Variants in DMD observed in about 807,000 individuals in gnomAD.
DMD encodes mutant dystrophin.
A neutral mutation model predicts 330.1 loss-of-function variants in DMD; 63 were observed. That is an observed-to-expected ratio of 0.19 (90% confidence interval 0.16 to 0.24). DMD has a LOEUF of 0.24. Among genes scored for constraint, DMD ranks in the 10% least tolerant of loss-of-function variants. DMD has a pLI of 1.00. For missense variants in DMD, 3,344 were observed against 2,684.1 expected, an observed-to-expected ratio of 1.25 and a Z score of -5.43; for synonymous variants, 1,223 against 959.8, an observed-to-expected ratio of 1.27 and a Z score of -5.07.
At chrX:32,870,958 C>T (rs1222049907) in intron 2 of DMD, among the ~76,000 whole-genome samples, 1 of 14,768 alleles carries the variant, frequency 6.8e-5, no homozygotes, top group Non-Finnish European at 1.2e-4. Context: ...TTCTGTACAG[C>T]AAAAAAAAAA....
rs2063889616 is a variant in DMD at position 32,699,115 on chromosome X, T to C, written c.828A>G (p.Gln276=). 1 of 1,207,981 alleles carries C rather than the reference T, an allele frequency of 8.3e-7. No homozygotes were observed. The highest frequency in any genetic ancestry group is 1.1e-6 in the Non-Finnish European group (1 of 892,200). ...AGCTGTCCTTTACACACTTTACCTG[T>C]TGAGAATAGTGCATTTGATGATGTA... ...FQLHHQMHYS[Q]QITVSLAQGY... is the part of the protein sequence containing the mutation. The change falls in exon 8 of 79, where the codon CAA becomes CAG. Residue 276 remains glutamine (Q), a synonymous_variant. Transcript: ENST00000357033.
chrX:31,348,476 A>G (rs2058220732), intron 61 of DMD, 80 bp downstream of exon 61: 1 of 856,414 alleles, frequency 1.2e-6, no homozygotes, highest in South Asian at 2.1e-5. Flanking sequence ...TTCAACTCTT[A>G]ATTCTTTTGT....
At chrX:31,751,751 T>C (rs1043731135) in intron 51 of DMD, among the ~76,000 whole-genome samples, 7 of 112,276 alleles carry the variant, frequency 6.2e-5, no homozygotes, top group African/African-American at 2.3e-4. Context: ...AAGTTAGTCA[T>C]TACTAAATGT....
intron 44 of DMD, among the ~76,000 whole-genome samples, chrX:32,114,031 C>T (rs1324085659): frequency 8.9e-6 from 1 of 111,849 alleles, no homozygotes; most frequent in East Asian, 2.8e-4. Context: ...CATTTTGTTG[C>T]TAAATTATAA....
At chrX:31,317,405 T>C (rs1328722078) in intron 62 of DMD, among the ~76,000 whole-genome samples, 1 of 111,857 alleles carries the variant, frequency 8.9e-6, no homozygotes, top group Non-Finnish European at 1.9e-5. Flanking sequence ...TGTGTTCACA[T>C]TGTATGAAAG....
At chrX:31,845,870 G>C (rs1206780887) in intron 48 of DMD, among the ~76,000 whole-genome samples, 1 of 111,553 alleles carries the variant, frequency 9.0e-6, no homozygotes, top group Non-Finnish European at 1.9e-5. Flanking sequence ...TGTACAGAAA[G>C]TAATTGCAAA....
chrX:32,125,462 C>T (rs1287115063), intron 44 of DMD, among the ~76,000 whole-genome samples: 1 of 111,504 alleles, frequency 9.0e-6, no homozygotes, highest in Admixed American at 9.6e-5. Flanking sequence ...CAGTTTGGTC[C>T]TTGTTGAGTC....
chrX:32,165,728 C>T (rs1279221029), intron 44 of DMD, among the ~76,000 whole-genome samples: 3 of 111,320 alleles, frequency 2.7e-5, no homozygotes, highest in African/African-American at 9.8e-5. Flanking sequence ...GGCTTTGTGT[C>T]CCCACCCAAA....
At chrX:31,667,779 CATAA>C (rs992739344) in intron 53 of DMD, among the ~76,000 whole-genome samples, 1 of 110,565 alleles carries the variant, frequency 9.0e-6, no homozygotes, top group African/African-American at 3.3e-5. Flanking sequence ...TCCTGTATCC[CATAA>C]ATATATATAC....
chrX:32,705,684 G>A (rs1054173163), intron 7 of DMD, among the ~76,000 whole-genome samples: 2 of 111,538 alleles, frequency 1.8e-5, no homozygotes, highest in Admixed American at 9.5e-5. Context: ...ATCCTCTCCG[G>A]CACCTGTTGT....
chrX:32,840,064 G>A (rs1159804977), intron 4 of DMD, among the ~76,000 whole-genome samples: 2 of 111,976 alleles, frequency 1.8e-5, no homozygotes, highest in Non-Finnish European at 3.8e-5. Context: ...TAAGGTAAAG[G>A]TTCCTTTGTT....
chrX:32,661,201 T>A (rs148777130), intron 9 of DMD, among the ~76,000 whole-genome samples: 1 of 111,438 alleles, frequency 9.0e-6, no homozygotes, highest in South Asian at 3.7e-4. Context: ...GTGGGTGCTA[T>A]CCACTGTGTA....
chrX:33,326,910 G>C (rs954051780), intron 1 of DMD, among the ~76,000 whole-genome samples: 1 of 111,089 alleles, frequency 9.0e-6, no homozygotes, highest in African/African-American at 3.3e-5. Context: ...ATACAAATAG[G>C]AGAAATTAGT....
intron 62 of DMD, among the ~76,000 whole-genome samples, chrX:31,266,220 T>C (rs2051096820): frequency 1.1e-5 from 1 of 95,003 alleles, no homozygotes; most frequent in Non-Finnish European, 2.1e-5. Context: ...CCTGAAATCT[T>C]TGACTTCTGG....
At position 31,366,179 on chromosome X, in the gene DMD, A is replaced by C. The variant is rs773553560; in HGVS notation, c.9085-17545T>G. 4.5e-5 allele frequency among the ~76,000 whole-genome samples: 5 copies of C among 111,374 alleles called. No homozygotes were observed. The South Asian group carries it at 1.9e-3, about 42-fold the overall frequency. On this transcript the variant is annotated intron_variant, in intron 60 of 78. Coordinates refer to ENST00000357033, the MANE Select transcript of DMD (RefSeq NM_004006.3). ...CAAAAGGCATTTTAAATATGATTTT[A>C]AATTGCAAAGGGACGAAATCATGGG... is the stretch of plus-strand genomic sequence containing the variant.
At chrX:33,066,178 G>A (rs1451647853) in intron 1 of DMD, among the ~76,000 whole-genome samples, 2 of 110,129 alleles carry the variant, frequency 1.8e-5, no homozygotes, top group African/African-American at 6.6e-5. Flanking sequence ...AAGGCCAGGT[G>A]CAGTGGCTCA....
chrX:31,745,693 G>T (rs1392950385), intron 51 of DMD, among the ~76,000 whole-genome samples: 1 of 111,932 alleles, frequency 8.9e-6, no homozygotes, highest in East Asian at 2.8e-4. Context: ...AAACAAATTT[G>T]CTGATTCTAC....
chrX:31,454,155 T>A (rs1332339485), intron 59 of DMD, among the ~76,000 whole-genome samples: 3 of 111,744 alleles, frequency 2.7e-5, no homozygotes, highest in African/African-American at 9.8e-5. Flanking sequence ...ACTTTTTTTT[T>A]GAGATAGAGT....
chrX:32,588,765 G>A (rs765043457), intron 13 of DMD, among the ~76,000 whole-genome samples: 1 of 111,714 alleles, frequency 9.0e-6, no homozygotes, highest in East Asian at 2.8e-4. Flanking sequence ...ATAAATACAA[G>A]ATAAGGTTGA....
Sources: allele counts gnomAD v4.1 joint callset (sites outside exome capture counted in the v4.1 genomes callset), GRCh38; gene constraint gnomAD v4.1.1; transcripts MANE v1.5; gene names NCBI Gene and HGNC (gene_info 2026-07-23, HGNC 2026-07-21).